The following ELOVL5 variants were observed in gnomAD, a reference collection of about 807,000 sequenced individuals.
ELOVL5 encodes the protein very long chain fatty acid elongase 5.
Under a neutral mutation model 38.6 loss-of-function variants are expected in ELOVL5, and 8 were observed. The ratio of observed to expected loss-of-function variants is 0.21; its 90% CI spans 0.12 to 0.37. The LOEUF (loss-of-function observed/expected upper bound fraction) is 0.37. ELOVL5 is among the 10% of genes least tolerant of loss of function. The probability of loss-of-function intolerance (pLI) is 1.00; values close to 1 mark genes in which losing one functional copy is unlikely to be tolerated. For synonymous variants in ELOVL5, 127 were observed against 133.7 expected, an observed-to-expected ratio of 0.95 and a Z score of 0.34; for missense variants, 280 against 367.8, an observed-to-expected ratio of 0.76 and a Z score of 1.95.
intron 3 of ELOVL5, chr6:53,287,737 A>C: frequency 1.3e-6 from 1 of 777,678 alleles, no homozygotes; most frequent in Non-Finnish European, 2.1e-6. Context: ...GGGTTTGAGT[A>C]GAGCTCAGCA....
chr6:53,305,025 C>G (rs1398086758), intron 1 of ELOVL5, among the ~76,000 whole-genome samples: 1 of 151,578 alleles, frequency 6.6e-6, no homozygotes, highest in African/African-American at 2.4e-5. Flanking sequence ...CCCCTCACCT[C>G]CCGGACGGGG....
At chr6:53,336,163 G>A (rs1423279351) in intron 1 of ELOVL5, among the ~76,000 whole-genome samples, 1 of 152,178 alleles carries the variant, frequency 6.6e-6, no homozygotes, top group Non-Finnish European at 1.5e-5. Context: ...TTCCTACTGA[G>A]TCTTTTTACT....
At chr6:53,272,124 G>A (rs956975458) in intron 6 of ELOVL5, among the ~76,000 whole-genome samples, 6 of 151,962 alleles carry the variant, frequency 3.9e-5, no homozygotes, top group African/African-American at 1.5e-4. Context: ...TTTTCAGATT[G>A]TTATTTTTAA....
chr6:53,284,838 T>A lies in ELOVL5; in HGVS notation c.246+6938A>T, dbSNP rs368119391. On this transcript the variant is annotated intron_variant, in intron 3 of 7. Coordinates refer to ENST00000304434, the MANE Select transcript of ELOVL5 (RefSeq NM_021814.5). ...ATCTGTTGTGGCGATCTGTGTGTGG[T>A]TACTGAACTTTGATGTTACCATTGT... 9.9e-4 allele frequency among the ~76,000 whole-genome samples: 151 copies of A among 152,262 alleles called. 1 individual carries two copies. The South Asian group carries it at 0.028, about 29-fold the overall frequency.
chr6:53,308,239 A>G (rs1767681747), intron 1 of ELOVL5, among the ~76,000 whole-genome samples: 2 of 152,222 alleles, frequency 1.3e-5, no homozygotes, highest in African/African-American at 2.4e-5. Context: ...CATACTCTTC[A>G]TCATCACTTC....
At chr6:53,279,505 G>A (rs964091808) in intron 3 of ELOVL5, among the ~76,000 whole-genome samples, 10 of 152,166 alleles carry the variant, frequency 6.6e-5, no homozygotes, top group Non-Finnish European at 1.5e-5. Context: ...GGTGGTGACT[G>A]TGGCTCCTGC....
chr6:53,276,647 G>A (rs1344615957), intron 3 of ELOVL5, among the ~76,000 whole-genome samples: 1 of 152,110 alleles, frequency 6.6e-6, no homozygotes, highest in African/African-American at 2.4e-5. Context: ...AAACTTGAGT[G>A]TGCAGCACCA....
In ELOVL5 at chr6:53,276,148, A is replaced by G. The variant is rs778686725; in HGVS notation, c.324+31T>C. ...TTATTTTTAAAAACTCAACACTTAT[A>G]ATAATAAAGTTTCTGAAAAAGAGAC... On this transcript the variant is annotated intron_variant, in intron 4 of 7. Transcript: ENST00000304434. 6.9e-5 allele frequency: 102 copies of G among 1,476,900 alleles called. No homozygotes were observed. In the African/African-American group the frequency reaches 1.4e-3, roughly 21 times the overall value. The allele number at this position is 1,476,900 out of a possible 1,614,324, so 91.5% of individuals were successfully genotyped here. A position where few individuals can be genotyped will look rare whatever the true frequency, so the allele number is the denominator to read the frequency against.
rs114179822 is a variant in ELOVL5, at chr6:53,338,291, T to A, written c.-9+10526A>T. On this transcript the variant is annotated intron_variant, in intron 1 of 7. Transcript: ENST00000304434. ...TCAATGAAAAGTACTTACCTTACTG[T>A]CACTTGTCACATCCAACTTCCCTTG... Among the ~76,000 whole-genome samples, 1,013 of 152,306 alleles carry A rather than the reference T, an allele frequency of 6.7e-3. 20 individuals carry two copies. The highest frequency in any genetic ancestry group is 0.023 in the African/African-American group (973 of 41,560).
At chr6:53,348,768 T>A (rs1436430952) in intron 1 of ELOVL5, 49 bp downstream of exon 1, 2 of 452,720 alleles carry the variant, frequency 4.4e-6, no homozygotes. Flanking sequence ...GCGGGTGTCA[T>A]GGCCGAGCGG....
intron 1 of ELOVL5, among the ~76,000 whole-genome samples, chr6:53,314,002 T>A (rs961138428): frequency 5.9e-5 from 9 of 152,222 alleles, no homozygotes; most frequent in African/African-American, 1.9e-4. Flanking sequence ...GTAACCCTCC[T>A]TGGAAATTAT....
At chr6:53,324,627 A>G in intron 1 of ELOVL5, among the ~76,000 whole-genome samples, 1 of 139,536 alleles carries the variant, frequency 7.2e-6, no homozygotes, top group Non-Finnish European at 1.5e-5. Flanking sequence ...GTGAGCCAAG[A>G]TGGCACCACT....
At chr6:53,339,111 G>A (rs1206892859) in intron 1 of ELOVL5, among the ~76,000 whole-genome samples, 1 of 152,164 alleles carries the variant, frequency 6.6e-6, no homozygotes, top group Non-Finnish European at 1.5e-5. Flanking sequence ...GAGAAGCAAA[G>A]TTAAATGTGT....
At chr6:53,287,816 A>G (rs763096773) in intron 3 of ELOVL5, 2 of 1,491,672 alleles carry the variant, frequency 1.3e-6, no homozygotes, top group Middle Eastern at 1.9e-4. Context: ...CTTTCAACAC[A>G]GTGTTCCTGG....
chr6:53,275,343 C>T, intron 4 of ELOVL5, 82 bp from the exon 5 acceptor site: 1 of 1,439,802 alleles, frequency 6.9e-7, no homozygotes, highest in South Asian at 1.2e-5. Context: ...CACTAATATC[C>T]AAAAATCTGA....
At chr6:53,329,138 A>T (rs1304625913) in intron 1 of ELOVL5, among the ~76,000 whole-genome samples, 1 of 152,218 alleles carries the variant, frequency 6.6e-6, no homozygotes, top group Admixed American at 6.5e-5. Flanking sequence ...ATAACTAAGT[A>T]GTATATAAAG....
intron 1 of ELOVL5, among the ~76,000 whole-genome samples, chr6:53,338,289 T>C (rs1345176792): frequency 6.6e-6 from 1 of 152,216 alleles, no homozygotes; most frequent in Non-Finnish European, 1.5e-5. Flanking sequence ...CTTACCTTAC[T>C]GTCACTTGTC....
intron 1 of ELOVL5, among the ~76,000 whole-genome samples, chr6:53,338,150 T>G (rs563682154): frequency 8.6e-4 from 131 of 152,128 alleles, no homozygotes; most frequent in African/African-American, 2.9e-3. Flanking sequence ...GATCATGCAA[T>G]GAGATTTGGT....
At chr6:53,329,160 C>T (rs1223238388) in intron 1 of ELOVL5, among the ~76,000 whole-genome samples, 1 of 150,494 alleles carries the variant, frequency 6.6e-6, no homozygotes, top group Non-Finnish European at 1.5e-5. Context: ...ACTTTTAGTA[C>T]TATATATATA....
Sources: gnomAD v4.1 joint callset for allele counts (sites outside exome capture counted in the v4.1 genomes callset) on GRCh38, gnomAD v4.1.1 for gene constraint, MANE v1.5 for transcripts, NCBI Gene and HGNC (gene_info 2026-07-23, HGNC 2026-07-21) for gene names.